The following RAB7A variants were observed in gnomAD, a reference collection of about 807,000 sequenced individuals.
The protein encoded by RAB7A is ras-related protein Rab-7a.
RAB7A carries 2 observed loss-of-function variants against 24.5 expected under a neutral mutation model. The observed-to-expected ratio is 0.08, with a 90% CI of 0.03 to 0.26. The LOEUF (loss-of-function observed/expected upper bound fraction) is 0.26, where lower values mean the gene tolerates loss of function less well. Among genes scored for constraint, RAB7A ranks in the 10% least tolerant of loss-of-function variants. The probability of loss-of-function intolerance (pLI) is 1.00; values close to 1 mark genes in which losing one functional copy is unlikely to be tolerated. For missense variants in RAB7A, 118 were observed against 255.7 expected, an observed-to-expected ratio of 0.46 and a Z score of 3.67; for synonymous variants, 100 against 95.9, an observed-to-expected ratio of 1.04 and a Z score of -0.25.
At chr3:128,790,330 A>AT (rs1933429690) in intron 1 of RAB7A, among the ~76,000 whole-genome samples, 1 of 152,128 alleles carries the variant, frequency 6.6e-6, no homozygotes. Context: ...ATGAGTGGAG[A>AT]TTTTTGTCAT....
chr3:128,788,011 G>A (rs1933376010), intron 1 of RAB7A, among the ~76,000 whole-genome samples: 1 of 152,224 alleles, frequency 6.6e-6, no homozygotes, highest in African/African-American at 2.4e-5. Context: ...ACTGCACCCT[G>A]CCATAAGTTT....
At chr3:128,736,396 C>A (rs1559778608) in intron 1 of RAB7A, among the ~76,000 whole-genome samples, 5 of 152,090 alleles carry the variant, frequency 3.3e-5, no homozygotes, top group Admixed American at 3.3e-4. Flanking sequence ...TCTTTTGAAA[C>A]ATAGATTTTC....
chr3:128,733,992 G>A (rs998078305), intron 1 of RAB7A, among the ~76,000 whole-genome samples: 3 of 152,144 alleles, frequency 2.0e-5, no homozygotes, highest in Admixed American at 2.0e-4. Context: ...CTGGTAGAAA[G>A]CCATTTCTTT....
chr3:128,759,564 G>A (rs1354826799), intron 1 of RAB7A, among the ~76,000 whole-genome samples: 2 of 152,236 alleles, frequency 1.3e-5, no homozygotes, highest in Non-Finnish European at 2.9e-5. Context: ...TAGAAGCAAA[G>A]TGTTGTGAAA....
chr3:128,782,747 C>G lies in RAB7A; in HGVS notation c.-8-12613C>G, dbSNP rs148546672. Among the ~76,000 whole-genome samples, 116 of 152,086 alleles carry G rather than the reference C, an allele frequency of 7.6e-4. 2 individuals carry two copies. In the East Asian group the frequency reaches 0.02, roughly 26 times the overall value. On this transcript the variant is annotated intron_variant, in intron 1 of 5. Transcript: ENST00000265062. ...AATCTCTCTAGATTTTGTTTACTCT[C>G]TTCAACTATTTATTACCAAAGGATC...
chr3:128,785,803 C>G (rs1178016286), intron 1 of RAB7A, among the ~76,000 whole-genome samples: 1 of 151,414 alleles, frequency 6.6e-6, no homozygotes, highest in African/African-American at 2.4e-5. Flanking sequence ...TGATGTGCTT[C>G]TCTCACTAGA....
At chr3:128,775,548 C>A (rs142751871) in intron 1 of RAB7A, among the ~76,000 whole-genome samples, 83 of 152,252 alleles carry the variant, frequency 5.5e-4, no homozygotes, top group African/African-American at 2.0e-3. Flanking sequence ...TCCATTTGTC[C>A]TGAGCAGGCA....
In RAB7A at chr3:128,758,148, G is replaced by C. The variant is rs1408074630; in HGVS notation, c.-9+31789G>C. 5.3e-5 allele frequency among the ~76,000 whole-genome samples: 8 copies of C among 152,038 alleles called. No homozygotes were observed. The East Asian group carries it at 1.5e-3, about 29-fold the overall frequency. On this transcript the variant is annotated intron_variant, in intron 1 of 5. Transcript: ENST00000265062. ...TGGCTAATTTTTAAATTTTTTTGTA[G>C]AGGCAGCCTCTCACTATATTGGTTA...
At chr3:128,750,316 C>A (rs889490581) in intron 1 of RAB7A, among the ~76,000 whole-genome samples, 1 of 152,132 alleles carries the variant, frequency 6.6e-6, no homozygotes, top group African/African-American at 2.4e-5. Flanking sequence ...GGCTGGAGTG[C>A]CATGATGCGA....
intron 5 of RAB7A, among the ~76,000 whole-genome samples, chr3:128,812,784 A>T (rs1933953379): frequency 6.6e-6 from 1 of 152,204 alleles, no homozygotes; most frequent in South Asian, 2.1e-4. Context: ...GAAAAAAGAG[A>T]CCAGAGGCCA....
At chr3:128,768,208 A>T (rs1440537907) in intron 1 of RAB7A, among the ~76,000 whole-genome samples, 1 of 152,096 alleles carries the variant, frequency 6.6e-6, no homozygotes, top group African/African-American at 2.4e-5. Context: ...GGGGGGGAGT[A>T]TCTGGCCTCA....
Position 128,810,623 on chromosome 3 carries a change from C to T in RAB7A, c.529-2704C>T, listed in dbSNP as rs1011204125. On this transcript the variant is annotated intron_variant, in intron 5 of 5. Transcript: ENST00000265062. The stretch of plus-strand genomic sequence containing the variant: ...CACATGAGCAAGGTGTCTCTGGTGT[C>T]ACCTCTTCTTATAAGGACACGAATT... Among the ~76,000 whole-genome samples the T allele has an allele frequency of 1.2e-4, 18 of 149,862 alleles. 1 individual carries two copies. The highest frequency in any genetic ancestry group is 6.6e-4 in the Admixed American group (10 of 15,122).
At chr3:128,794,571 G>A (rs566263828) in intron 1 of RAB7A, among the ~76,000 whole-genome samples, 83 of 152,126 alleles carry the variant, frequency 5.5e-4, no homozygotes, top group African/African-American at 2.0e-3. Context: ...TCATTTTCTG[G>A]AAGTCACTGA....
chr3:128,726,533 G>A (rs979857436), intron 1 of RAB7A, among the ~76,000 whole-genome samples, 174 bp downstream of exon 1: 3 of 152,154 alleles, frequency 2.0e-5, no homozygotes, highest in African/African-American at 7.2e-5. Context: ...GACCCCACCC[G>A]GCTTGGAGAG....
chr3:128,770,835 A>AT (rs201876858), intron 1 of RAB7A, among the ~76,000 whole-genome samples: 128 of 150,276 alleles, frequency 8.5e-4, no homozygotes, highest in South Asian at 3.1e-3. Context: ...AGTGTAAATG[A>AT]TTTTTTTTTT....
chr3:128,759,264 T>C (rs556553945), intron 1 of RAB7A, among the ~76,000 whole-genome samples: 10 of 152,360 alleles, frequency 6.6e-5, no homozygotes, highest in African/African-American at 2.4e-4. Context: ...CTCCTCATAA[T>C]GTGGCAGGAA....
chr3:128,794,697 A>G (rs898102012), intron 1 of RAB7A, among the ~76,000 whole-genome samples: 1 of 152,114 alleles, frequency 6.6e-6, no homozygotes, highest in Non-Finnish European at 1.5e-5. Flanking sequence ...CATTTTTCAC[A>G]TCTTCTGGTT....
chr3:128,764,285 ACTTT>A (rs1361418904), intron 1 of RAB7A, among the ~76,000 whole-genome samples: 1 of 149,040 alleles, frequency 6.7e-6, no homozygotes, highest in Non-Finnish European at 1.5e-5. Context: ...GCTACCGACA[ACTTT>A]CTTTCTTTTT....
At chr3:128,774,427 T>G (rs1394450523) in intron 1 of RAB7A, among the ~76,000 whole-genome samples, 1 of 151,928 alleles carries the variant, frequency 6.6e-6, no homozygotes, top group East Asian at 1.9e-4. Context: ...TTCCAGTCAG[T>G]TGGATCATCT....
Sources: gnomAD v4.1 joint callset for allele counts (sites outside exome capture counted in the v4.1 genomes callset) on GRCh38, gnomAD v4.1.1 for gene constraint, MANE v1.5 for transcripts, NCBI Gene and HGNC (gene_info 2026-07-23, HGNC 2026-07-21) for gene names.